The following ARL6 variants were observed in gnomAD, a reference collection of about 807,000 sequenced individuals.
ARL6 encodes the protein ADP-ribosylation factor-like protein 6.
A neutral mutation model predicts 27.1 loss-of-function variants in ARL6; 18 were observed. The ratio of observed to expected loss-of-function variants is 0.66; its 90% CI spans 0.46 to 0.98. ARL6 has a LOEUF of 0.98. Ranked by LOEUF, ARL6 falls within the 50% of genes least tolerant of loss-of-function variation. ARL6 has a pLI of 0.00. For missense variants in ARL6, 187 were observed against 214.9 expected, an observed-to-expected ratio of 0.87 and a Z score of 0.81; for synonymous variants, 65 against 72.3, an observed-to-expected ratio of 0.90 and a Z score of 0.51.
At chr3:97,768,316 G>T (rs578119445) in intron 2 of ARL6, 86 bp downstream of exon 2, 24 of 1,376,554 alleles carry the variant, frequency 1.7e-5, no homozygotes, top group Non-Finnish European at 2.2e-5. Context: ...CGTTAAAACC[G>T]CATATAATCA....
rs104893681 is a variant in ARL6, at chr3:97,791,800, T to G, written c.509T>G (p.Leu170Trp). ...CASDAIKGEGLQEGVDWLQDQ... is the reference protein window; with the variant it reads ...CASDAIKGEGWQEGVDWLQDQ... The stretch of plus-strand genomic sequence containing the variant: ...AGTGATGCCATAAAAGGAGAAGGCT[T>G]GCAAGAAGGTGTAGACTGGCTTCAA... Residue 170 changes from leucine to tryptophan, a missense_variant, in exon 7 of 8, where the codon TTG (leucine) becomes TGG (tryptophan). Coordinates refer to ENST00000463745, the MANE Select transcript of ARL6 (RefSeq NM_001278293.3). The G allele has an allele frequency of 6.2e-7, 1 of 1,613,822 alleles. No individual in the cohort carries two copies. The highest frequency in any genetic ancestry group is 8.5e-7 in the Non-Finnish European group (1 of 1,179,840).
intron 2 of ARL6, among the ~76,000 whole-genome samples, chr3:97,775,858 T>C (rs1462661343): frequency 6.6e-6 from 1 of 152,228 alleles, no homozygotes; most frequent in African/African-American, 2.4e-5. Flanking sequence ...CCTAACATGA[T>C]CTATTTTAGA....
At chr3:97,789,239 G>T (rs1426479021) in intron 6 of ARL6, among the ~76,000 whole-genome samples, 2 of 152,144 alleles carry the variant, frequency 1.3e-5, no homozygotes, top group Non-Finnish European at 2.9e-5. Flanking sequence ...TCTAATAAAT[G>T]ATTCTTGAGT....
intron 2 of ARL6, 114 bp from the exon 3 acceptor site, chr3:97,780,044 AT>A (rs1273647414): frequency 1.1e-5 from 9 of 791,790 alleles, no homozygotes; most frequent in Non-Finnish European, 2.0e-5. Flanking sequence ...ACTTTGTTAA[AT>A]CCTATCATCT....
At chr3:97,783,132 A>AT (rs532302295) in intron 4 of ARL6, among the ~76,000 whole-genome samples, 160 of 151,618 alleles carry the variant, frequency 1.1e-3, no homozygotes, top group African/African-American at 3.4e-3. Context: ...AGGAGTACAC[A>AT]TTTTTTAAAT....
chr3:97,774,714 G>A (rs867871751), intron 2 of ARL6, among the ~76,000 whole-genome samples: 1 of 152,116 alleles, frequency 6.6e-6, no homozygotes, highest in Middle Eastern at 3.2e-3. Context: ...TTTCATTGCA[G>A]GTCAGCAACT....
At chr3:97,765,704 C>T (rs541081861) in intron 1 of ARL6, among the ~76,000 whole-genome samples, 4 of 152,138 alleles carry the variant, frequency 2.6e-5, no homozygotes, top group African/African-American at 7.2e-5. Context: ...ACTACAGATG[C>T]CCTGATCTTA....
chr3:97,798,246 C>T lies in ARL6; in HGVS notation c.*197C>T, dbSNP rs2038094863. The stretch of plus-strand genomic sequence containing the variant: ...TTAATTATTTAAAAACTAAATATTC[C>T]CTCAAAAGGGCTCCCTAGAATTATC... On this transcript the variant is annotated 3_prime_UTR_variant, in exon 8 of 8. Coordinates refer to ENST00000463745, the MANE Select transcript of ARL6 (RefSeq NM_001278293.3). 3.5e-6 allele frequency: 2 copies of T among 569,174 alleles called. No individual in the cohort carries two copies. Among genetic ancestry groups the T allele is most frequent in the East Asian group, 5.8e-5 (2 of 34,290 alleles). The allele number at this position is 569,174 out of a possible 1,614,324, so 35.3% of individuals were successfully genotyped here. A position where few individuals can be genotyped will look rare whatever the true frequency, so the allele number is the denominator to read the frequency against.
chr3:97,783,992 C>T (rs2037325203), intron 4 of ARL6, among the ~76,000 whole-genome samples: 1 of 151,664 alleles, frequency 6.6e-6, no homozygotes, highest in Non-Finnish European at 1.5e-5. Context: ...TTTTCTAAAA[C>T]TTTAAATTAT....
chr3:97,769,285 T>C (rs74390451), intron 2 of ARL6, among the ~76,000 whole-genome samples: 5,860 of 152,106 alleles, frequency 0.039, 207 homozygotes, highest in African/African-American at 0.095. Context: ...GACATTTTAA[T>C]CTGATCGCTT....
intron 2 of ARL6, among the ~76,000 whole-genome samples, chr3:97,778,509 G>C (rs996091901): frequency 6.6e-6 from 1 of 152,106 alleles, no homozygotes; most frequent in Non-Finnish European, 1.5e-5. Flanking sequence ...ATGTAATAGT[G>C]TGAGGCAAAA....
At chr3:97,792,047 C>T in intron 7 of ARL6, 1 of 531,700 alleles carries the variant, frequency 1.9e-6, no homozygotes, top group Non-Finnish European at 3.3e-6. Context: ...TGAATCTTTA[C>T]AGTCAATATA....
chr3:97,789,036 A>C (rs1010767923), intron 6 of ARL6, among the ~76,000 whole-genome samples: 1 of 152,172 alleles, frequency 6.6e-6, no homozygotes, highest in Admixed American at 6.6e-5. Flanking sequence ...TAGAATATGA[A>C]GCAAGGAGGT....
intron 2 of ARL6, among the ~76,000 whole-genome samples, chr3:97,771,358 CT>C (rs2036628474): frequency 6.6e-6 from 1 of 151,784 alleles, no homozygotes; most frequent in Non-Finnish European, 1.5e-5. Context: ...TATATGTGGA[CT>C]TTTGTATCCT....
intron 5 of ARL6, 62 bp from the exon 6 acceptor site, chr3:97,787,928 G>A: frequency 1.3e-6 from 2 of 1,589,976 alleles, no homozygotes; most frequent in Non-Finnish European, 1.7e-6. Flanking sequence ...CAGTACTAAA[G>A]ATTTGCTGCA....
chr3:97,786,361 C>T (rs2037459314), intron 5 of ARL6, among the ~76,000 whole-genome samples: 1 of 151,946 alleles, frequency 6.6e-6, no homozygotes, highest in South Asian at 2.1e-4. Flanking sequence ...ACTTAGCAGT[C>T]TTGTATCTAG....
intron 2 of ARL6, among the ~76,000 whole-genome samples, chr3:97,779,047 A>G (rs2037049626): frequency 6.6e-6 from 1 of 152,214 alleles, no homozygotes; most frequent in African/African-American, 2.4e-5. Flanking sequence ...TTAACAAGTT[A>G]GATTGTTAGT....
chr3:97,765,192 C>T (rs2036309296), intron 1 of ARL6, among the ~76,000 whole-genome samples: 1 of 148,410 alleles, frequency 6.7e-6, no homozygotes, highest in South Asian at 2.2e-4. Flanking sequence ...CAATGCTCAA[C>T]TTAGACCCGT....
At chr3:97,775,284 G>A (rs903536137) in intron 2 of ARL6, among the ~76,000 whole-genome samples, 1 of 152,166 alleles carries the variant, frequency 6.6e-6, no homozygotes, top group Non-Finnish European at 1.5e-5. Flanking sequence ...TTATTAAGTA[G>A]TATTAACTCA....
Sources: allele counts gnomAD v4.1 joint callset (sites outside exome capture counted in the v4.1 genomes callset), GRCh38; gene constraint gnomAD v4.1.1; transcripts MANE v1.5; gene names NCBI Gene and HGNC (gene_info 2026-07-23, HGNC 2026-07-21).